The following ADAM9 variants were observed in gnomAD, a reference collection of about 807,000 sequenced individuals.
The protein encoded by ADAM9 is disintegrin and metalloproteinase domain-containing protein 9.
A neutral mutation model predicts 108.1 loss-of-function variants in ADAM9; 54 were observed. The observed-to-expected ratio is 0.50, with a 90% CI of 0.40 to 0.63. The LOEUF is 0.63. ADAM9 is among the 20% of genes least tolerant of loss of function. ADAM9 has a pLI of 0.00. For synonymous variants in ADAM9, 316 were observed against 336.0 expected, an observed-to-expected ratio of 0.94 and a Z score of 0.65; for missense variants, 830 against 997.7, an observed-to-expected ratio of 0.83 and a Z score of 2.26.
intron 1 of ADAM9, among the ~76,000 whole-genome samples, chr8:39,002,773 T>C (rs1454976801): frequency 1.3e-5 from 2 of 152,240 alleles, no homozygotes; most frequent in Non-Finnish European, 2.9e-5. Flanking sequence ...TTTTCCTTTC[T>C]TTAAGATTAG....
intron 18 of ADAM9, among the ~76,000 whole-genome samples, chr8:39,087,778 A>T (rs1839221656): frequency 6.6e-6 from 1 of 152,192 alleles, no homozygotes; most frequent in African/African-American, 2.4e-5. Flanking sequence ...AGCTTGCTTT[A>T]ATTTTTTATA....
chr8:39,100,031 C>G (rs1428412473), intron 20 of ADAM9, among the ~76,000 whole-genome samples: 2 of 151,782 alleles, frequency 1.3e-5, no homozygotes, highest in Non-Finnish European at 2.9e-5. Flanking sequence ...AGGCGTGCGC[C>G]ATCATGCCCG....
intron 16 of ADAM9, among the ~76,000 whole-genome samples, chr8:39,080,069 T>C (rs762467488): frequency 5.9e-5 from 9 of 152,222 alleles, no homozygotes; most frequent in Non-Finnish European, 1.2e-4. Flanking sequence ...TATTTTCTAC[T>C]TTATCTTCCT....
At chr8:39,099,035 A>G (rs1372303094) in intron 20 of ADAM9, among the ~76,000 whole-genome samples, 2 of 152,138 alleles carry the variant, frequency 1.3e-5, no homozygotes, top group East Asian at 3.9e-4. Context: ...GTGTGGTAAG[A>G]ATTTCTCCAT....
intron 4 of ADAM9, 113 bp from the exon 5 acceptor site, chr8:39,016,005 T>G: frequency 1.0e-6 from 1 of 959,022 alleles, no homozygotes; most frequent in Non-Finnish European, 1.7e-6. Flanking sequence ...TAAATAAAAC[T>G]TTGTTATTAT....
Position 39,026,564 on chromosome 8 carries a change from G to A in ADAM9, c.997-113G>A, listed in dbSNP as rs1346173146. 10 of 1,303,458 alleles carry A rather than the reference G, an allele frequency of 7.7e-6. No individual in the cohort carries two copies. In the East Asian group the frequency reaches 9.3e-5, roughly 12 times the overall value. The allele number at this position is 1,303,458 out of a possible 1,614,324, so 80.7% of individuals were successfully genotyped here. On this transcript the variant is annotated intron_variant, in intron 10 of 21. Transcript: ENST00000487273. ...TGTTGTTGGATGCTTGATTTATCAC[G>A]TAGGCTGTCAACAGTGTAGTGAATA...
intron 1 of ADAM9, among the ~76,000 whole-genome samples, chr8:39,003,624 AGTAT>A (rs1438799924): frequency 6.6e-6 from 1 of 152,164 alleles, no homozygotes; most frequent in East Asian, 1.9e-4. Flanking sequence ...TCATACAATT[AGTAT>A]GTATTATTTT....
At chr8:39,099,430 T>C (rs893819491) in intron 20 of ADAM9, among the ~76,000 whole-genome samples, 2 of 152,240 alleles carry the variant, frequency 1.3e-5, no homozygotes, top group African/African-American at 4.8e-5. Flanking sequence ...TTAGGTGTAC[T>C]GTACTGGGAA....
At chr8:39,103,084 G>C (rs1839750461) in intron 21 of ADAM9, among the ~76,000 whole-genome samples, 1 of 152,216 alleles carries the variant, frequency 6.6e-6, no homozygotes, top group South Asian at 2.1e-4. Context: ...TACTGGAGTA[G>C]AGGTGTACTA....
chr8:39,091,479 G>C, intron 20 of ADAM9, 133 bp downstream of exon 20: 1 of 854,454 alleles, frequency 1.2e-6, no homozygotes, highest in Non-Finnish European at 1.8e-6. Context: ...ATTGTAGGTG[G>C]TCCCTGAGTT....
intron 1 of ADAM9, among the ~76,000 whole-genome samples, chr8:39,006,314 A>G (rs929363129): frequency 9.2e-5 from 14 of 152,128 alleles, no homozygotes; most frequent in African/African-American, 3.4e-4. Context: ...AGTACATTGG[A>G]TATGATATAA....
chr8:39,028,244 T>G (rs1182729078), intron 11 of ADAM9, among the ~76,000 whole-genome samples: 1 of 152,154 alleles, frequency 6.6e-6, no homozygotes, highest in Non-Finnish European at 1.5e-5. Flanking sequence ...ACAAGACAAT[T>G]TCAATCACAT....
intron 12 of ADAM9, among the ~76,000 whole-genome samples, chr8:39,045,069 C>CCTATGTATGTGT: frequency 5.2e-5 from 1 of 19,194 alleles, no homozygotes; most frequent in African/African-American, 3.1e-4. Context: ...TGCATACATA[C>CCTATGTATGTGT]ATATGTGTGT....
Position 39,105,237 on chromosome 8 carries a change from A to T in ADAM9, c.*1537A>T, listed in dbSNP as rs748962061. 1.4e-5 allele frequency: 6 copies of T among 422,882 alleles called. No individual in the cohort carries two copies. Among genetic ancestry groups the T allele is most frequent in the Middle Eastern group, 7.4e-4 (1 of 1,360 alleles). 26.2% of individuals were successfully genotyped at this position (422,882 alleles called of 1,614,324 possible). ...GTTATTTTAACAATCAAGTATACAT[A>T]TTAAAAATTGTGAGCAATCTCAAAT... On this transcript the variant is annotated 3_prime_UTR_variant, in exon 22 of 22. Coordinates refer to ENST00000487273, the MANE Select transcript of ADAM9 (RefSeq NM_003816.3).
intron 12 of ADAM9, among the ~76,000 whole-genome samples, chr8:39,045,643 C>T (rs1207692355): frequency 1.3e-5 from 2 of 151,660 alleles, no homozygotes; most frequent in African/African-American, 2.4e-5. Flanking sequence ...AGTTTCATGA[C>T]TTTGGTATTG....
chr8:39,092,096 G>A (rs564497981), intron 20 of ADAM9, among the ~76,000 whole-genome samples: 1 of 152,168 alleles, frequency 6.6e-6, no homozygotes, highest in South Asian at 2.1e-4. Flanking sequence ...CTTTTATTGA[G>A]TGTTTAGATC....
At chr8:39,096,571 C>T (rs1232157877) in intron 20 of ADAM9, among the ~76,000 whole-genome samples, 1 of 152,122 alleles carries the variant, frequency 6.6e-6, no homozygotes, top group African/African-American at 2.4e-5. Context: ...AAGTGATTTT[C>T]ACACTCACAT....
intron 15 of ADAM9, among the ~76,000 whole-genome samples, chr8:39,075,515 GTAT>G (rs756245812): frequency 6.6e-5 from 10 of 152,182 alleles, no homozygotes; most frequent in Non-Finnish European, 1.3e-4. Context: ...GTTTCTGTTA[GTAT>G]TATTCAACAG....
At position 39,090,179 on chromosome 8, in the gene ADAM9, A is replaced by T. The variant is rs757918348; in HGVS notation, c.2201A>T (p.Gln734Leu). ...AGCTACTTCAGAAAGAAGAGATCAC[A>T]AACATATGAGTACTTAGATTTTTTT... ...WRSYFRKKRS[Q>L]TYESDGKNQA... The change falls in exon 19 of 22, where the codon CAA becomes CTA. Residue 734 changes from glutamine to leucine, a missense_variant. Physicochemically the swap from Gln to Leu is moderately radical, Grantham distance 113. Transcript: ENST00000487273. 5.0e-6 allele frequency: 8 copies of T among 1,613,416 alleles called. No homozygotes were observed. The highest frequency in any genetic ancestry group is 1.1e-5 in the South Asian group (1 of 91,030).
Sources: gnomAD v4.1 joint callset for allele counts (sites outside exome capture counted in the v4.1 genomes callset) on GRCh38, gnomAD v4.1.1 for gene constraint, MANE v1.5 for transcripts, NCBI Gene and HGNC (gene_info 2026-07-23, HGNC 2026-07-21) for gene names.